Variants in ATXN1 observed in about 807,000 individuals in gnomAD.
ATXN1 encodes ataxin-1.
Under a neutral mutation model 56.4 loss-of-function variants are expected in ATXN1, and 8 were observed. That is an observed-to-expected ratio of 0.14 (90% CI 0.08 to 0.26). The LOEUF is 0.26. Among genes scored for constraint, ATXN1 ranks in the 10% least tolerant of loss-of-function variants. ATXN1 has a pLI of 1.00. For missense variants in ATXN1, 987 were observed against 1,106.5 expected (o/e 0.89, Z 1.53); for synonymous variants, 514 against 494.6 (o/e 1.04, Z -0.52).
intron 3 of ATXN1, among the ~76,000 whole-genome samples, chr6:16,647,994 G>A (rs889808331): frequency 6.6e-6 from 1 of 152,156 alleles, no homozygotes; most frequent in Non-Finnish European, 1.5e-5. Context: ...AAGATCTCTT[G>A]AACCCAGGAG....
At chr6:16,439,884 G>A (rs1374514504) in intron 6 of ATXN1, among the ~76,000 whole-genome samples, 1 of 151,638 alleles carries the variant, frequency 6.6e-6, no homozygotes, top group Non-Finnish European at 1.5e-5. Flanking sequence ...AGACCAGCCT[G>A]GGCAACATGG....
intron 6 of ATXN1, among the ~76,000 whole-genome samples, chr6:16,447,223 T>G (rs1759654351): frequency 6.6e-6 from 1 of 152,182 alleles, no homozygotes; most frequent in Non-Finnish European, 1.5e-5. Flanking sequence ...TTTAAAAATT[T>G]TTAATTAATT....
At chr6:16,565,448 T>C (rs905628306) in intron 4 of ATXN1, among the ~76,000 whole-genome samples, 2 of 152,192 alleles carry the variant, frequency 1.3e-5, no homozygotes, top group African/African-American at 4.8e-5. Context: ...ATCTCTAACA[T>C]CATATTATTA....
chr6:16,346,612 G>T (rs1049951787), intron 6 of ATXN1, among the ~76,000 whole-genome samples: 1 of 152,226 alleles, frequency 6.6e-6, no homozygotes, highest in Non-Finnish European at 1.5e-5. Flanking sequence ...ACTGGCATTT[G>T]ATAACTCGTG....
intron 5 of ATXN1, among the ~76,000 whole-genome samples, chr6:16,513,071 G>A (rs1023009410): frequency 6.6e-6 from 1 of 152,204 alleles, no homozygotes. Context: ...TTCAGCCAAC[G>A]GCTAGGAAAA....
chr6:16,347,294 C>A (rs9367912), intron 6 of ATXN1, among the ~76,000 whole-genome samples: 1 of 152,232 alleles, frequency 6.6e-6, no homozygotes, highest in African/African-American at 2.4e-5. Context: ...GCCAGCTGGG[C>A]TCCTGAGTCT....
intron 4 of ATXN1, among the ~76,000 whole-genome samples, chr6:16,531,571 C>T (rs949802406): frequency 1.3e-5 from 2 of 149,724 alleles, no homozygotes; most frequent in Non-Finnish European, 3.0e-5. Flanking sequence ...TGCAGTGAGC[C>T]GAGATCATGC....
chr6:16,399,790 C>T (rs947205715), intron 6 of ATXN1, among the ~76,000 whole-genome samples: 1 of 152,192 alleles, frequency 6.6e-6, no homozygotes, highest in South Asian at 2.1e-4. Context: ...CTCCATCTCC[C>T]TGCTTCCCCA....
chr6:16,458,155 G>T (rs1286711973), intron 6 of ATXN1, among the ~76,000 whole-genome samples: 2 of 152,192 alleles, frequency 1.3e-5, no homozygotes. Context: ...ATGACAAAAT[G>T]ACAGCCGAAG....
At chr6:16,370,171 G>T (rs1430363540) in intron 6 of ATXN1, among the ~76,000 whole-genome samples, 2 of 152,196 alleles carry the variant, frequency 1.3e-5, no homozygotes, top group African/African-American at 2.4e-5. Context: ...AGGAACTGAT[G>T]TAGAAAGTTA....
At chr6:16,443,097 G>T (rs1438356300) in intron 6 of ATXN1, among the ~76,000 whole-genome samples, 1 of 150,608 alleles carries the variant, frequency 6.6e-6, no homozygotes, top group Non-Finnish European at 1.5e-5. Flanking sequence ...CAGAAGGATT[G>T]CTTAAGCCTA....
chr6:16,583,897 A>G (rs1762571553), intron 4 of ATXN1, among the ~76,000 whole-genome samples: 1 of 152,182 alleles, frequency 6.6e-6, no homozygotes. Flanking sequence ...ATTTTGGAAG[A>G]TTAGGATTAT....
At chr6:16,552,155 C>T (rs966270019) in intron 4 of ATXN1, among the ~76,000 whole-genome samples, 15 of 152,160 alleles carry the variant, frequency 9.9e-5, no homozygotes, top group African/African-American at 3.1e-4. Flanking sequence ...GCTACTCACA[C>T]GTGGAGAGGC....
intron 7 of ATXN1, among the ~76,000 whole-genome samples, chr6:16,309,956 C>T (rs1381786516): frequency 6.6e-6 from 1 of 152,034 alleles, no homozygotes; most frequent in Non-Finnish European, 1.5e-5. Flanking sequence ...ATCACTTGAA[C>T]CCGGGAGGCG....
intron 4 of ATXN1, among the ~76,000 whole-genome samples, chr6:16,566,594 C>T (rs1370141971): frequency 1.3e-5 from 2 of 152,106 alleles, no homozygotes; most frequent in African/African-American, 2.4e-5. Flanking sequence ...TGGCTCACGA[C>T]TGTAATCCCA....
rs366303 is a variant in ATXN1, at chr6:16,410,490, T to G, written c.-161+75482A>C. Among the ~76,000 whole-genome samples, 445 of 152,366 alleles carry G rather than the reference T, an allele frequency of 2.9e-3. 3 individuals are homozygous for G. Among genetic ancestry groups the G allele is most frequent in the Non-Finnish European group, 3.6e-3 (248 of 68,034 alleles). ...ACCTCAGAGGCTATGTTGGGCTTTTTCTGATGTAGCGATATTTTGGAGATT... is the reference window on the plus strand; with the variant it reads ...ACCTCAGAGGCTATGTTGGGCTTTTGCTGATGTAGCGATATTTTGGAGATT... On this transcript the variant is annotated intron_variant, in intron 6 of 7. Transcript: ENST00000436367. This position sits in a 1 kb window ranked among gnomAD's most constrained non-coding sequence, Gnocchi z 4.6.
intron 3 of ATXN1, among the ~76,000 whole-genome samples, chr6:16,650,719 G>A (rs942353065): frequency 4.6e-5 from 7 of 152,152 alleles, no homozygotes; most frequent in Admixed American, 3.3e-4. Context: ...GGGTTTCGGC[G>A]AATCACAGGC....
intron 3 of ATXN1, among the ~76,000 whole-genome samples, chr6:16,651,240 T>C (rs866244152): frequency 6.6e-6 from 1 of 151,958 alleles, no homozygotes; most frequent in African/African-American, 2.4e-5. Context: ...GGGTAAACTA[T>C]CATATTAAAG....
intron 5 of ATXN1, among the ~76,000 whole-genome samples, chr6:16,499,673 C>A (rs1202106812): frequency 2.0e-5 from 3 of 152,164 alleles, no homozygotes; most frequent in African/African-American, 4.8e-5. Context: ...TTAAGATTGG[C>A]TCTTTGGAGA....
Sources: gnomAD v4.1 joint callset for allele counts (sites outside exome capture counted in the v4.1 genomes callset) on GRCh38, gnomAD v4.1.1 for gene constraint, Gnocchi (gnomAD v3.1) non-coding constraint, MANE v1.5 for transcripts, NCBI Gene and HGNC (gene_info 2026-07-23, HGNC 2026-07-21) for gene names.